Variants in LRP1B observed in about 807,000 individuals in gnomAD.
The protein encoded by LRP1B is low-density lipoprotein receptor-related protein 1B.
A neutral mutation model predicts 556.6 loss-of-function variants in LRP1B; 217 were observed. That is an observed-to-expected ratio of 0.39 (90% CI 0.35 to 0.44). LRP1B has a LOEUF of 0.44. LRP1B is among the 20% of genes least tolerant of loss of function. The probability of loss-of-function intolerance (pLI) is 1.00; values close to 1 mark genes in which losing one functional copy is unlikely to be tolerated. For synonymous variants in LRP1B, 2,047 were observed against 1,865.8 expected, an observed-to-expected ratio of 1.10 and a Z score of -2.50; for missense variants, 5,053 against 5,620.8, an observed-to-expected ratio of 0.90 and a Z score of 3.23.
chr2:142,085,452 G>A (rs1281395965), intron 1 of LRP1B, among the ~76,000 whole-genome samples: 1 of 152,072 alleles, frequency 6.6e-6, no homozygotes, highest in Non-Finnish European at 1.5e-5. Context: ...CATTTGCTGA[G>A]TACCTGAGTT....
At chr2:141,671,461 G>T (rs942995687) in intron 2 of LRP1B, among the ~76,000 whole-genome samples, 1 of 152,140 alleles carries the variant, frequency 6.6e-6, no homozygotes, top group South Asian at 2.1e-4. Context: ...GCCTGATTCC[G>T]CAGGGGAACT....
chr2:140,536,226 G>A (rs3828941), intron 46 of LRP1B, among the ~76,000 whole-genome samples: 64,434 of 144,980 alleles, frequency 0.44, 14,842 homozygotes, highest in East Asian at 0.6. Flanking sequence ...TGTTATCCTA[G>A]CACTCTGTGA....
intron 7 of LRP1B, among the ~76,000 whole-genome samples, chr2:141,122,629 G>T (rs1701088940): frequency 6.6e-6 from 1 of 152,222 alleles, no homozygotes; most frequent in Non-Finnish European, 1.5e-5. Context: ...TGGAGAAATA[G>T]GAACACTTTT....
intron 15 of LRP1B, among the ~76,000 whole-genome samples, chr2:140,999,763 G>C (rs1307441395): frequency 1.3e-5 from 2 of 151,922 alleles, no homozygotes; most frequent in African/African-American, 4.8e-5. Flanking sequence ...TTTTGGTTTG[G>C]CAATTAGGGC....
intron 7 of LRP1B, among the ~76,000 whole-genome samples, chr2:141,163,012 C>A (rs145050752): frequency 2.0e-5 from 3 of 152,074 alleles, no homozygotes; most frequent in Non-Finnish European, 4.4e-5. Context: ...GGTTTGTCAT[C>A]GTCAATCCAC....
chr2:140,666,408 A>G (rs1685278062), intron 41 of LRP1B, among the ~76,000 whole-genome samples: 1 of 152,072 alleles, frequency 6.6e-6, no homozygotes, highest in South Asian at 2.1e-4. Context: ...GATTGTGAAG[A>G]AAATTTTAAT....
chr2:140,459,842 C>A (rs115438978), intron 60 of LRP1B, among the ~76,000 whole-genome samples: 7 of 152,032 alleles, frequency 4.6e-5, no homozygotes, highest in African/African-American at 1.7e-4. Flanking sequence ...TGAGTTCTCA[C>A]GAGATAAGTG....
intron 66 of LRP1B, among the ~76,000 whole-genome samples, chr2:140,413,875 C>T (rs1685067158): frequency 6.6e-6 from 1 of 152,090 alleles, no homozygotes; most frequent in African/African-American, 2.4e-5. Flanking sequence ...ATTTTACTCT[C>T]TTAAAAGATA....
rs1704244349 is a variant in LRP1B at position 142,045,968 on chromosome 2, A to G, written c.82+84680T>C. On this transcript the variant is annotated intron_variant, in intron 1 of 90. Coordinates refer to ENST00000389484, the MANE Select transcript of LRP1B (RefSeq NM_018557.3). The stretch of plus-strand genomic sequence containing the variant: ...AAAATATCCAAGGTGAAACATGGAT[A>G]AAACAGAAGGCCACTATTTGGGGTA... Among the ~76,000 whole-genome samples the G allele has an allele frequency of 2.6e-5, 4 of 151,976 alleles. No individual in the cohort carries two copies. The South Asian group carries it at 8.3e-4, about 31-fold the overall frequency.
chr2:141,231,284 C>T (rs1044366693), intron 5 of LRP1B, among the ~76,000 whole-genome samples: 1 of 152,212 alleles, frequency 6.6e-6, no homozygotes, highest in East Asian at 1.9e-4. Context: ...GGATATCAGG[C>T]ACCTGTGTTT....
At chr2:141,462,992 A>T (rs2105046559) in intron 3 of LRP1B, among the ~76,000 whole-genome samples, 3 of 152,312 alleles carry the variant, frequency 2.0e-5, no homozygotes, top group East Asian at 3.9e-4. Flanking sequence ...AACTGAATAC[A>T]ATTGACTATT....
intron 64 of LRP1B, 25 bp downstream of exon 64, chr2:140,444,538 A>T (rs1558886745): frequency 1.2e-6 from 2 of 1,611,724 alleles, no homozygotes; most frequent in African/African-American, 1.3e-5. Context: ...ACTTATGTTC[A>T]TTAGTTAGGA....
intron 86 of LRP1B, among the ~76,000 whole-genome samples, chr2:140,257,580 C>T (rs975191099): frequency 6.6e-6 from 1 of 152,068 alleles, no homozygotes; most frequent in Non-Finnish European, 1.5e-5. Context: ...TTTTGTTCCC[C>T]GTGGCATGAC....
rs554201874 is a variant in LRP1B at position 140,767,686 on chromosome 2, T to C, written c.5758+1527A>G. Among the ~76,000 whole-genome samples, 20 of 151,866 alleles carry C rather than the reference T, an allele frequency of 1.3e-4. No homozygotes were observed. The South Asian group carries it at 3.9e-3, about 30-fold the overall frequency. On this transcript the variant is annotated intron_variant, in intron 35 of 90. Transcript: ENST00000389484. ...ATTATACTTTAAGTTTTAGGGTACA[T>C]GTGCACATTGTGCAGGTTAGTTACA...
chr2:140,511,371 G>C (rs951654112), intron 51 of LRP1B, among the ~76,000 whole-genome samples: 1 of 131,096 alleles, frequency 7.6e-6, no homozygotes, highest in Non-Finnish European at 1.5e-5. Flanking sequence ...GCGCGGTCTC[G>C]GCTCAATGCA....
chr2:140,458,023 C>T (rs931731736), intron 60 of LRP1B, among the ~76,000 whole-genome samples: 1 of 151,710 alleles, frequency 6.6e-6, no homozygotes, highest in Non-Finnish European at 1.5e-5. Flanking sequence ...TACATATATA[C>T]ATATATATCT....
At chr2:141,171,911 T>C (rs1680516710) in intron 7 of LRP1B, among the ~76,000 whole-genome samples, 1 of 152,076 alleles carries the variant, frequency 6.6e-6, no homozygotes, top group Non-Finnish European at 1.5e-5. Flanking sequence ...CTCTTCAGAT[T>C]ATTCTCCTCC....
chr2:142,116,883 A>C (rs1310219992), intron 1 of LRP1B, among the ~76,000 whole-genome samples: 1 of 152,206 alleles, frequency 6.6e-6, no homozygotes, highest in Admixed American at 6.5e-5. Flanking sequence ...CCCAAGGAAC[A>C]GAAAGATAAA....
intron 2 of LRP1B, among the ~76,000 whole-genome samples, chr2:141,564,645 G>A (rs1192168897): frequency 6.6e-6 from 1 of 152,104 alleles, no homozygotes; most frequent in African/African-American, 2.4e-5. Flanking sequence ...CGTTCAGCAT[G>A]TATTTGAAAG....
Sources: allele counts gnomAD v4.1 joint callset (sites outside exome capture counted in the v4.1 genomes callset), GRCh38; gene constraint gnomAD v4.1.1; transcripts MANE v1.5; gene names NCBI Gene and HGNC (gene_info 2026-07-23, HGNC 2026-07-21).